UGT2B28: variants seen among roughly 807,000 people sequenced by gnomAD.
UGT2B28 encodes the protein UDP-glucuronosyltransferase 2B28.
In UGT2B28, 45 loss-of-function variants were observed where a neutral mutation model predicts 43.6. That is an observed-to-expected ratio of 1.03 (90% CI 0.81 to 1.32). The LOEUF (loss-of-function observed/expected upper bound fraction) is 1.32. UGT2B28 is among the 40% of genes most tolerant of loss of function. The pLI, the probability that UGT2B28 is intolerant of heterozygous loss-of-function variation, is 0.00. For synonymous variants in UGT2B28, 204 were observed against 208.1 expected (o/e 0.98, Z 0.17); for missense variants, 649 against 625.5 (o/e 1.04, Z -0.40).
At position 69,294,848 on chromosome 4, in the gene UGT2B28, G is replaced by T; in HGVS notation, c.*39G>T. ...TTGAAGCTGGAAAACCAGATAGATG[G>T]GTTGACATCAGTTTATTCCAGCAAG... On this transcript the variant is annotated 3_prime_UTR_variant, in exon 6 of 6. Transcript: ENST00000335568. 1 of 1,501,820 alleles carries T rather than the reference G, an allele frequency of 6.7e-7. No individual in the cohort carries two copies. Among genetic ancestry groups the T allele is most frequent in the Non-Finnish European group, 8.9e-7 (1 of 1,128,098 alleles). 93.0% of individuals were successfully genotyped at this position (1,501,820 alleles called of 1,614,324 possible).
intron 5 of UGT2B28, among the ~76,000 whole-genome samples, chr4:69,293,036 A>C (rs1319430443): frequency 7.1e-6 from 1 of 140,636 alleles, no homozygotes; most frequent in Non-Finnish European, 1.5e-5. Flanking sequence ...AGTGTTCAAA[A>C]ATTGTTAGCA....
chr4:69,291,635 A>G (rs1723958601), intron 5 of UGT2B28, among the ~76,000 whole-genome samples: 1 of 140,364 alleles, frequency 7.1e-6, no homozygotes, highest in Admixed American at 7.2e-5. Flanking sequence ...TTAGTTGTTC[A>G]TTTGTCAGTT....
chr4:69,293,866 T>A (rs774152261), intron 5 of UGT2B28, among the ~76,000 whole-genome samples: 7 of 140,566 alleles, frequency 5.0e-5, no homozygotes, highest in Non-Finnish European at 7.6e-5. Flanking sequence ...ATAATCTGAC[T>A]TTAATTTCAA....
chr4:69,282,652 C>G lies in UGT2B28; in HGVS notation c.860C>G (p.Pro287Arg), dbSNP rs776573611. The change falls in exon 2 of 6, where the codon CCC becomes CGC. Residue 287 changes from proline to arginine, a missense_variant. Pro to Arg is a moderately radical substitution (Grantham distance 103, BLOSUM62 -2). Coordinates refer to ENST00000335568, the MANE Select transcript of UGT2B28 (RefSeq NM_053039.2). ...GGACTCCACTGCAAACCTGCCAAAC[C>G]CCTACCTAAGGTAAACATACTTTCG... ...VGGLHCKPAK[P>R]LPKEMEEFVQ... 1 of 1,548,578 alleles carries G rather than the reference C, an allele frequency of 6.5e-7. No individual in the cohort carries two copies. Among genetic ancestry groups the G allele is most frequent in the South Asian group, 1.2e-5 (1 of 82,104 alleles).
intron 3 of UGT2B28, among the ~76,000 whole-genome samples, chr4:69,287,621 A>G (rs535310230): frequency 1.4e-5 from 2 of 139,918 alleles, no homozygotes; most frequent in Non-Finnish European, 3.0e-5. Flanking sequence ...AGTATAAAAT[A>G]TGGTCCCACA....
chr4:69,294,568 A>C lies in UGT2B28; in HGVS notation c.1349A>C (p.His450Pro). Reference protein sequence around the residue: ...ENVMKLSIIQHDQPVKPLHRA... With the variant: ...ENVMKLSIIQPDQPVKPLHRA... ...GTTATGAAATTATCAATAATTCAAC[A>C]TGATCAACCAGTAAAGCCCCTGCAT... The change falls in exon 6 of 6, where the codon CAT (histidine) becomes CCT (proline). Residue 450 changes from histidine to proline, a missense_variant. His to Pro is a moderately conservative substitution (Grantham distance 77). Coordinates refer to ENST00000335568, the MANE Select transcript of UGT2B28 (RefSeq NM_053039.2). 6.5e-7 allele frequency: 1 copy of C among 1,548,694 alleles called. No individual in the cohort carries two copies. The highest frequency in any genetic ancestry group is 1.5e-5 in the African/African-American group (1 of 65,680).
Position 69,290,822 on chromosome 4 carries a change from C to T in UGT2B28, c.1310+11C>T, listed in dbSNP as rs1217079761. The T allele has an allele frequency of 4.5e-6, 7 of 1,552,100 alleles. 1 individual carries two copies. In the South Asian group the frequency reaches 6.0e-5, roughly 13 times the overall value. ...AATTAATGATCCTTCGTGAGTAGAA[C>T]AGTATTTTTCACTAGGTGGTATTTG... On this transcript the variant is annotated intron_variant, in intron 5 of 5. Coordinates refer to ENST00000335568, the MANE Select transcript of UGT2B28 (RefSeq NM_053039.2).
chr4:69,280,917 A>G lies in UGT2B28; in HGVS notation c.417A>G (p.Lys139=), dbSNP rs151238097. The G allele has an allele frequency of 1.9e-6, 3 of 1,559,166 alleles. No individual in the cohort carries two copies. Among genetic ancestry groups the G allele is most frequent in the Non-Finnish European group, 1.7e-6 (2 of 1,155,534 alleles). Residue 139 remains lysine (K), a synonymous_variant, in exon 1 of 6, where the codon AAA becomes AAG. Transcript: ENST00000335568. ...TTTCAAATAAGAAAGTTATGAAAAA[A>G]CTACAAGAGTCAAGATTTGACATCA... ...DVVSNKKVMK[K]LQESRFDIIF...
At chr4:69,288,611 G>T (rs1723849482) in intron 3 of UGT2B28, among the ~76,000 whole-genome samples, 1 of 137,954 alleles carries the variant, frequency 7.2e-6, no homozygotes, top group East Asian at 2.1e-4. Flanking sequence ...TAACTTTTAA[G>T]TTCAGGAGTA....
Position 69,285,301 on chromosome 4 carries a change from G to A in UGT2B28, c.871-1451G>A, listed in dbSNP as rs367774559. Among the ~76,000 whole-genome samples the A allele has an allele frequency of 5.0e-5, 7 of 139,092 alleles. 1 individual carries two copies. In the East Asian group the frequency reaches 6.1e-4, roughly 12 times the overall value. 91.2% of individuals were successfully genotyped at this position (139,092 alleles called of 152,430 possible). On this transcript the variant is annotated intron_variant, in intron 2 of 5. Transcript: ENST00000335568. ...TTTTAGAAAAATTATTTTTTAAAAC[G>A]CTTTTCATACTTTTATACAATTTCT... is the stretch of plus-strand genomic sequence containing the variant.
chr4:69,281,358 A>C, intron 1 of UGT2B28, 137 bp downstream of exon 1: 1 of 1,103,508 alleles, frequency 9.1e-7, no homozygotes, highest in South Asian at 2.2e-5. Flanking sequence ...AAGATGATCT[A>C]TCAATCTCAC....
rs923531801 is a variant in UGT2B28, at chr4:69,294,754, G to T, written c.1535G>T (p.Cys512Phe). ...GTGATATTTGTCGTCACAAAGTTTT[G>T]TCTGTTTTGTTTCTGGAAGTTTGCT... is the stretch of plus-strand genomic sequence containing the variant. The part of the protein sequence containing the change: ...ATVIFVVTKF[C>F]LFCFWKFARK... The change falls in exon 6 of 6, where the codon TGT becomes TTT. Residue 512 changes from cysteine to phenylalanine, a missense_variant. Coordinates refer to ENST00000335568, the MANE Select transcript of UGT2B28 (RefSeq NM_053039.2). 1 of 1,558,926 alleles carries T rather than the reference G, an allele frequency of 6.4e-7. No homozygotes were observed. The highest frequency in any genetic ancestry group is 1.5e-5 in the African/African-American group (1 of 66,010).
At chr4:69,282,467 G>A in intron 1 of UGT2B28, 47 bp from the exon 2 acceptor site, 1 of 1,508,604 alleles carries the variant, frequency 6.6e-7, no homozygotes, top group Non-Finnish European at 8.8e-7. Context: ...GTTATGTAAA[G>A]TAATTATCTT....
At position 69,280,575 on chromosome 4, in the gene UGT2B28, G is replaced by T. The variant is rs766617089; in HGVS notation, c.75G>T (p.Lys25Asn). Residue 25 changes from lysine (K) to asparagine (N), a missense_variant, in exon 1 of 6, where the codon AAG (lysine) becomes AAT (asparagine). Coordinates refer to ENST00000335568, the MANE Select transcript of UGT2B28 (RefSeq NM_053039.2). ...GCYFSSGSCG[K>N]VLVWTGEYSH... is the part of the protein sequence containing the mutation. ...ACTTTAGCTCTGGGAGTTGTGGAAA[G>T]GTGCTGGTGTGGACCGGTGAATACA... The T allele has an allele frequency of 5.7e-5, 89 of 1,560,574 alleles. 14 individuals are homozygous for T. Among genetic ancestry groups the T allele is most frequent in the Middle Eastern group, 3.4e-4 (2 of 5,848 alleles).
intron 4 of UGT2B28, 72 bp downstream of exon 4, chr4:69,289,824 A>G: frequency 7.3e-7 from 1 of 1,362,040 alleles, no homozygotes; most frequent in Non-Finnish European, 9.9e-7. Context: ...TTATCTTGAA[A>G]CATGCTTATT....
chr4:69,280,571 G>C lies in UGT2B28; in HGVS notation c.71G>C (p.Gly24Ala). 7 of 1,560,608 alleles carry C rather than the reference G, an allele frequency of 4.5e-6. 1 individual carries two copies. The highest frequency in any genetic ancestry group is 6.1e-6 in the Non-Finnish European group (7 of 1,155,732). The change falls in exon 1 of 6, where the codon GGA (glycine) becomes GCA (alanine). Residue 24 changes from glycine (G) to alanine (A), a missense_variant. Coordinates refer to ENST00000335568, the MANE Select transcript of UGT2B28 (RefSeq NM_053039.2). ...LGCYFSSGSCGKVLVWTGEYS... is the reference protein window; with the variant it reads ...LGCYFSSGSCAKVLVWTGEYS... ...TGTTACTTTAGCTCTGGGAGTTGTGGAAAGGTGCTGGTGTGGACCGGTGAA... is the reference window on the plus strand; with the variant it reads ...TGTTACTTTAGCTCTGGGAGTTGTGCAAAGGTGCTGGTGTGGACCGGTGAA...
chr4:69,289,529 A>G (rs1723882942), intron 3 of UGT2B28, 136 bp from the exon 4 acceptor site: 2 of 785,132 alleles, frequency 2.5e-6, no homozygotes, highest in African/African-American at 2.1e-5. Flanking sequence ...AAATGTGAGT[A>G]TTGTTTTTAC....
rs1454623102 is a variant in UGT2B28, at chr4:69,290,733, C to G, written c.1232C>G (p.Ala411Gly). ...DNIAHMKAKG[A>G]AVRLDFHTMS... ...ATTGCTCACATGAAGGCCAAGGGAGCAGCTGTTAGACTGGACTTCCACACA... is the reference window on the plus strand; with the variant it reads ...ATTGCTCACATGAAGGCCAAGGGAGGAGCTGTTAGACTGGACTTCCACACA... The change falls in exon 5 of 6, where the codon GCA becomes GGA. Residue 411 changes from alanine (A) to glycine (G), a missense_variant. By Grantham distance (60) the Ala-to-Gly change is moderately conservative (BLOSUM62 0). Coordinates refer to ENST00000335568, the MANE Select transcript of UGT2B28 (RefSeq NM_053039.2). The G allele has an allele frequency of 6.4e-7, 1 of 1,559,664 alleles. No individual in the cohort carries two copies. The highest frequency in any genetic ancestry group is 1.5e-5 in the African/African-American group (1 of 65,988).
intron 2 of UGT2B28, among the ~76,000 whole-genome samples, chr4:69,285,843 C>T (rs1274832265): frequency 1.4e-5 from 2 of 140,484 alleles, no homozygotes; most frequent in Non-Finnish European, 3.0e-5. Context: ...GAGACAAGAT[C>T]CCCCTGCAGA....
Sources: allele counts gnomAD v4.1 joint callset (sites outside exome capture counted in the v4.1 genomes callset), GRCh38; gene constraint gnomAD v4.1.1; transcripts MANE v1.5; gene names NCBI Gene and HGNC (gene_info 2026-07-23, HGNC 2026-07-21).